The following EFCAB6 variants were observed in gnomAD, a reference collection of about 807,000 sequenced individuals.
EFCAB6 encodes the protein EF-hand calcium binding domain 6.
EFCAB6 carries 156 observed loss-of-function variants against 169.8 expected under a neutral mutation model. That is an observed-to-expected ratio of 0.92 (90% CI 0.81 to 1.05). The LOEUF (loss-of-function observed/expected upper bound fraction) is 1.05. Ranked by LOEUF, EFCAB6 falls within the 50% of genes least tolerant of loss-of-function variation. The pLI, the probability that EFCAB6 is intolerant of heterozygous loss-of-function variation, is 0.00. For missense variants in EFCAB6, 1,800 were observed against 1,829.1 expected (o/e 0.98, Z 0.29); for synonymous variants, 698 against 676.4 (o/e 1.03, Z -0.50).
In EFCAB6 at chr22:43,632,230, T is replaced by C. The variant is rs777310863; in HGVS notation, c.2107A>G (p.Met703Val). ...GGCGGAGTGGTTTCCGGCCCTCTCATTGGAGGATCTGGAACAATTACAAAG... is the reference window on the plus strand; with the variant it reads ...GGCGGAGTGGTTTCCGGCCCTCTCACTGGAGGATCTGGAACAATTACAAAG... ...DFAAGFEDPP[M>V]RGPETTPPQP... Residue 703 changes from methionine to valine, a missense_variant, in exon 19 of 32, where the codon ATG (methionine) becomes GTG (valine). Physicochemically the swap from Met to Val is conservative, Grantham distance 21. Transcript: ENST00000262726. The C allele has an allele frequency of 2.2e-5, 35 of 1,613,042 alleles. No individual in the cohort carries two copies. The Admixed American group carries it at 2.5e-4, about 12-fold the overall frequency.
chr22:43,544,923 C>A (rs1440284266), intron 27 of EFCAB6, among the ~76,000 whole-genome samples: 1 of 151,942 alleles, frequency 6.6e-6, no homozygotes, highest in Non-Finnish European at 1.5e-5. Flanking sequence ...GAGATCGAGA[C>A]CATCCTGGTC....
intron 2 of EFCAB6, among the ~76,000 whole-genome samples, chr22:43,797,562 A>G (rs1241899335): frequency 6.6e-6 from 1 of 151,950 alleles, no homozygotes; most frequent in Non-Finnish European, 1.5e-5. Context: ...TTATGTGACC[A>G]CTGTACAAGC....
At chr22:43,679,298 G>C (rs1229625632) in intron 12 of EFCAB6, among the ~76,000 whole-genome samples, 1 of 152,110 alleles carries the variant, frequency 6.6e-6, no homozygotes, top group East Asian at 1.9e-4. Flanking sequence ...TGTTTTTGAG[G>C]CTCATCCATG....
chr22:43,735,647 T>G (rs565487823), intron 7 of EFCAB6, among the ~76,000 whole-genome samples: 1 of 152,192 alleles, frequency 6.6e-6, no homozygotes, highest in African/African-American at 2.4e-5. Context: ...GCTTAAGGAA[T>G]GAGAACCATT....
chr22:43,784,564 TATATGTGTACATATAC>T (rs1280990902), intron 2 of EFCAB6, among the ~76,000 whole-genome samples: 7 of 79,868 alleles, frequency 8.8e-5, no homozygotes, highest in Non-Finnish European at 1.2e-4. Flanking sequence ...TATACACATA[TATATGTGTACATATAC>T]ACATATATAT....
intron 2 of EFCAB6, among the ~76,000 whole-genome samples, chr22:43,791,602 A>C (rs553813814): frequency 2.0e-5 from 3 of 151,966 alleles, no homozygotes; most frequent in Non-Finnish European, 2.9e-5. Context: ...TCTAAGGAGG[A>C]GGGTTGATGG....
At chr22:43,808,022 G>T (rs2148225109) in intron 2 of EFCAB6, among the ~76,000 whole-genome samples, 1 of 152,292 alleles carries the variant, frequency 6.6e-6, no homozygotes, top group South Asian at 2.1e-4. Context: ...ATTTGAAAAA[G>T]GGAGATACAG....
chr22:43,676,879 G>T (rs1466261874), intron 13 of EFCAB6, among the ~76,000 whole-genome samples: 1 of 152,158 alleles, frequency 6.6e-6, no homozygotes, highest in East Asian at 1.9e-4. Flanking sequence ...ATAGAATGCA[G>T]CTGGCTTCAG....
At chr22:43,693,504 G>A (rs907092554) in intron 10 of EFCAB6, among the ~76,000 whole-genome samples, 1 of 148,978 alleles carries the variant, frequency 6.7e-6, no homozygotes, top group Non-Finnish European at 1.5e-5. Context: ...CTAAGGACAC[G>A]TGATGATTAC....
intron 3 of EFCAB6, among the ~76,000 whole-genome samples, chr22:43,779,537 C>T (rs193219443): frequency 2.0e-5 from 3 of 152,072 alleles, no homozygotes; most frequent in African/African-American, 2.4e-5. Flanking sequence ...GTCAAGAGAT[C>T]GAGACCATTC....
intron 18 of EFCAB6, among the ~76,000 whole-genome samples, chr22:43,632,830 C>G (rs1311953117): frequency 6.6e-6 from 1 of 152,202 alleles, no homozygotes; most frequent in Non-Finnish European, 1.5e-5. Flanking sequence ...TTTACTTGTC[C>G]TGTGTCTCTT....
intron 17 of EFCAB6, among the ~76,000 whole-genome samples, chr22:43,643,153 C>A (rs572017066): frequency 1.3e-5 from 2 of 152,300 alleles, no homozygotes; most frequent in African/African-American, 2.4e-5. Context: ...AGGGGCCGCC[C>A]CAGGACTGAA....
At chr22:43,694,343 C>T (rs1470861286) in intron 10 of EFCAB6, among the ~76,000 whole-genome samples, 1 of 152,046 alleles carries the variant, frequency 6.6e-6, no homozygotes. Context: ...CTCAAACTAA[C>T]TCCAGGCCTA....
intron 1 of EFCAB6, among the ~76,000 whole-genome samples, chr22:43,811,207 G>T (rs2063105757): frequency 6.6e-6 from 1 of 151,342 alleles, no homozygotes; most frequent in South Asian, 2.1e-4. Context: ...TTGAACCCGG[G>T]AGGTGGAGGT....
intron 10 of EFCAB6, among the ~76,000 whole-genome samples, chr22:43,697,040 A>C (rs111456776): frequency 0.019 from 2,891 of 152,354 alleles, 94 homozygotes; most frequent in African/African-American, 0.066. Context: ...AAATGCAAAA[A>C]ATATGCAACC....
chr22:43,742,140 A>C (rs144669083), intron 6 of EFCAB6, among the ~76,000 whole-genome samples: 1 of 152,320 alleles, frequency 6.6e-6, no homozygotes, highest in East Asian at 1.9e-4. Context: ...AGGTGTGGCA[A>C]ACTACTGCCC....
intron 10 of EFCAB6, among the ~76,000 whole-genome samples, chr22:43,688,302 G>T (rs551922308): frequency 5.6e-4 from 86 of 152,276 alleles, no homozygotes; most frequent in South Asian, 1.2e-3. Flanking sequence ...CCCATGTTGG[G>T]CTTCTAACCT....
At chr22:43,765,528 C>A in intron 4 of EFCAB6, 135 bp from the exon 5 acceptor site, 1 of 581,066 alleles carries the variant, frequency 1.7e-6, no homozygotes, top group South Asian at 2.4e-5. Flanking sequence ...TTCCATTAAA[C>A]ATTTAAATAC....
At chr22:43,762,774 C>G (rs2061208497) in intron 5 of EFCAB6, among the ~76,000 whole-genome samples, 1 of 152,190 alleles carries the variant, frequency 6.6e-6, no homozygotes, top group African/African-American at 2.4e-5. Context: ...AAAAAAGGCT[C>G]TCCTGCTTTC....
Sources: allele counts gnomAD v4.1 joint callset (sites outside exome capture counted in the v4.1 genomes callset), GRCh38; gene constraint gnomAD v4.1.1; transcripts MANE v1.5; gene names NCBI Gene and HGNC (gene_info 2026-07-23, HGNC 2026-07-21).